Variants in ST6GALNAC3 observed in about 807,000 individuals in gnomAD.
ST6GALNAC3 encodes the protein alpha-N-acetylgalactosaminide alpha-2,6-sialyltransferase 3.
In ST6GALNAC3, 25 loss-of-function variants were observed where a neutral mutation model predicts 32.7. The ratio of observed to expected loss-of-function variants is 0.76; its 90% CI spans 0.56 to 1.07. ST6GALNAC3 has a LOEUF of 1.07. Ranked by LOEUF, ST6GALNAC3 falls within the 50% of genes least tolerant of loss-of-function variation. The pLI, the probability that ST6GALNAC3 is intolerant of heterozygous loss-of-function variation, is 0.00. For missense variants in ST6GALNAC3, 355 were observed against 382.4 expected (o/e 0.93, Z 0.60); for synonymous variants, 129 against 133.1 (o/e 0.97, Z 0.21).
intron 2 of ST6GALNAC3, among the ~76,000 whole-genome samples, chr1:76,367,533 G>A (rs745880595): frequency 6.6e-5 from 10 of 152,058 alleles, no homozygotes; most frequent in Non-Finnish European, 1.2e-4. Flanking sequence ...AATTTTGAGT[G>A]GGGCAAAAGT....
At chr1:76,191,757 A>G (rs1196620600) in intron 1 of ST6GALNAC3, among the ~76,000 whole-genome samples, 1 of 152,172 alleles carries the variant, frequency 6.6e-6, no homozygotes, top group East Asian at 1.9e-4. Context: ...TAGGAGGGAA[A>G]GTAGACTAAA....
At chr1:76,591,180 TA>T (rs1415005427) in intron 3 of ST6GALNAC3, among the ~76,000 whole-genome samples, 3 of 143,852 alleles carry the variant, frequency 2.1e-5, no homozygotes, top group Admixed American at 2.1e-4. Context: ...GCTGTGTGCG[TA>T]TGTGTGTGTG....
chr1:76,076,520 G>A (rs1180236596), intron 1 of ST6GALNAC3, among the ~76,000 whole-genome samples: 1 of 152,090 alleles, frequency 6.6e-6, no homozygotes, highest in Non-Finnish European at 1.5e-5. Flanking sequence ...AATGTCTCTG[G>A]GCCTTAGTTT....
intron 1 of ST6GALNAC3, among the ~76,000 whole-genome samples, chr1:76,098,297 A>C (rs773589010): frequency 1.3e-5 from 2 of 152,226 alleles, no homozygotes; most frequent in Non-Finnish European, 2.9e-5. Context: ...AGACTGCACG[A>C]TCACAATGCT....
chr1:76,323,808 T>A (rs1250385300), intron 2 of ST6GALNAC3, among the ~76,000 whole-genome samples: 4 of 152,174 alleles, frequency 2.6e-5, no homozygotes, highest in South Asian at 2.1e-4. Flanking sequence ...AGAATTTTTT[T>A]AAAAAACATG....
chr1:76,295,334 T>C (rs1570725788), intron 1 of ST6GALNAC3, among the ~76,000 whole-genome samples: 1 of 152,140 alleles, frequency 6.6e-6, no homozygotes. Flanking sequence ...GTCTACCAAG[T>C]GTATTATGCT....
intron 3 of ST6GALNAC3, among the ~76,000 whole-genome samples, chr1:76,489,565 G>C (rs1660358343): frequency 6.6e-6 from 1 of 152,098 alleles, no homozygotes; most frequent in African/African-American, 2.4e-5. Flanking sequence ...GAAATGCCTT[G>C]ACGTCAGAAA....
intron 1 of ST6GALNAC3, among the ~76,000 whole-genome samples, chr1:76,128,339 C>T (rs1481269028): frequency 2.0e-5 from 3 of 152,208 alleles, no homozygotes. Flanking sequence ...CCCGTTCCCT[C>T]CTCAAGGGGA....
rs550618610 is a variant in ST6GALNAC3, at chr1:76,188,988, AG to A, written c.18+114107del. On this transcript the variant is annotated intron_variant, in intron 1 of 4. Transcript: ENST00000328299. Reference sequence around the variant, plus strand: ...GCATGGGAGATGTGGGTGGCCACACAGGGTCAGAGGATGTCAACATGGAGAC... The same window carrying A: ...GCATGGGAGATGTGGGTGGCCACACAGGTCAGAGGATGTCAACATGGAGAC... Among the ~76,000 whole-genome samples the A allele has an allele frequency of 4.9e-3, 742 of 152,352 alleles. 5 individuals carry two copies. The highest frequency in any genetic ancestry group is 0.025 in the South Asian group (120 of 4,830).
chr1:76,512,922 A>G (rs916679287), intron 3 of ST6GALNAC3, among the ~76,000 whole-genome samples: 3 of 152,086 alleles, frequency 2.0e-5, no homozygotes, highest in Non-Finnish European at 4.4e-5. Flanking sequence ...GCATTTTTTC[A>G]TGTGCCTATT....
intron 3 of ST6GALNAC3, among the ~76,000 whole-genome samples, chr1:76,621,221 T>A (rs78274552): frequency 0.026 from 3,933 of 151,982 alleles, 172 homozygotes; most frequent in African/African-American, 0.089. Context: ...AAGTGCCTAC[T>A]GATTAGCACA....
At chr1:76,341,609 CTTTCTTT>C (rs1647984881) in intron 2 of ST6GALNAC3, among the ~76,000 whole-genome samples, 5 of 58,220 alleles carry the variant, frequency 8.6e-5, no homozygotes, top group African/African-American at 3.0e-4. Context: ...AACTGCTTTT[CTTTCTTT>C]CTTTCTTTCT....
chr1:76,193,141 A>T (rs1163879955), intron 1 of ST6GALNAC3, among the ~76,000 whole-genome samples: 2 of 152,138 alleles, frequency 1.3e-5, no homozygotes, highest in Non-Finnish European at 2.9e-5. Context: ...ATAAAAGTAG[A>T]TTCTTCTACC....
rs374889607 is a variant in ST6GALNAC3, at chr1:76,319,915, G to A, written c.213+5916G>A. Among the ~76,000 whole-genome samples the A allele has an allele frequency of 1.9e-3, 292 of 152,224 alleles. 8 individuals are homozygous for A. The South Asian group carries it at 0.06, about 31-fold the overall frequency. On this transcript the variant is annotated intron_variant, in intron 2 of 4. Transcript: ENST00000328299. ...AAATGAATTTGACATGTGTGTATTG[G>A]ATTTGTCATTTTAAGGATAATTTAT...
Position 76,412,097 on chromosome 1 carries a change from C to T in ST6GALNAC3, c.303C>T (p.Ser101=), listed in dbSNP as rs949294589. The T allele has an allele frequency of 5.0e-6, 8 of 1,613,434 alleles. No homozygotes were observed. Among genetic ancestry groups the T allele is most frequent in the Non-Finnish European group, 4.2e-6 (5 of 1,179,766 alleles). Residue 101 remains serine (S), a synonymous_variant, in exon 3 of 5, where the codon TCC becomes TCT. Coordinates refer to ENST00000328299, the MANE Select transcript of ST6GALNAC3 (RefSeq NM_152996.4). ...AGGTGGGAAATGAGATAGATCGATC[C>T]TCCTGCATTTGGAGAATGAACAATG... The part of the protein sequence containing the change: ...GQKVGNEIDR[S]SCIWRMNNAP...
intron 1 of ST6GALNAC3, among the ~76,000 whole-genome samples, chr1:76,289,313 A>T (rs12124295): frequency 0.31 from 47,757 of 152,128 alleles, 8,582 homozygotes; most frequent in Non-Finnish European, 0.41. Flanking sequence ...CATAGATGGA[A>T]GTCAGACTGT....
At chr1:76,150,133 T>C (rs1650946419) in intron 1 of ST6GALNAC3, among the ~76,000 whole-genome samples, 1 of 152,182 alleles carries the variant, frequency 6.6e-6, no homozygotes, top group African/African-American at 2.4e-5. Flanking sequence ...CTGTCTCTAA[T>C]ATCTTACAGC....
chr1:76,431,515 A>C (rs1200858370), intron 3 of ST6GALNAC3, among the ~76,000 whole-genome samples: 1 of 152,102 alleles, frequency 6.6e-6, no homozygotes, highest in African/African-American at 2.4e-5. Flanking sequence ...TCTGTCTCTC[A>C]GTTCCTCTCC....
chr1:76,268,525 C>T (rs1658662509), intron 1 of ST6GALNAC3, among the ~76,000 whole-genome samples: 1 of 152,118 alleles, frequency 6.6e-6, no homozygotes, highest in Non-Finnish European at 1.5e-5. Flanking sequence ...TCGGTCAAGC[C>T]ATGCACGAGT....
Sources: gnomAD v4.1 joint callset for allele counts (sites outside exome capture counted in the v4.1 genomes callset) on GRCh38, gnomAD v4.1.1 for gene constraint, MANE v1.5 for transcripts, NCBI Gene and HGNC (gene_info 2026-07-23, HGNC 2026-07-21) for gene names.